ATP11B: variants seen among roughly 807,000 people sequenced by gnomAD.
ATP11B encodes ATPase phospholipid transporting 11B (putative).
ATP11B carries 81 observed loss-of-function variants against 157.8 expected under a neutral mutation model. The ratio of observed to expected loss-of-function variants is 0.51; its 90% CI spans 0.43 to 0.62. The LOEUF (loss-of-function observed/expected upper bound fraction) is 0.62, where lower values mean the gene tolerates loss of function less well. ATP11B is among the 20% of genes least tolerant of loss of function. ATP11B has a pLI of 0.00. For missense variants in ATP11B, 1,165 were observed against 1,402.2 expected, an observed-to-expected ratio of 0.83 and a Z score of 2.70; for synonymous variants, 451 against 469.4, an observed-to-expected ratio of 0.96 and a Z score of 0.51.
At chr3:182,837,219 G>T in intron 7 of ATP11B, 45 bp downstream of exon 7, 1 of 1,327,422 alleles carries the variant, frequency 7.5e-7, no homozygotes, top group South Asian at 1.3e-5. Flanking sequence ...CCTATTTACA[G>T]ACCTCATTTT....
intron 12 of ATP11B, among the ~76,000 whole-genome samples, chr3:182,861,926 A>T (rs1276936415): frequency 7.1e-6 from 1 of 141,468 alleles, no homozygotes; most frequent in East Asian, 2.0e-4. Flanking sequence ...CCTGGGCAAC[A>T]GAGTGAGACC....
chr3:182,881,866 C>T (rs1722450604), intron 21 of ATP11B, among the ~76,000 whole-genome samples: 1 of 152,168 alleles, frequency 6.6e-6, no homozygotes, highest in Admixed American at 6.5e-5. Context: ...ATTATAAAGA[C>T]AGGAAATTGT....
chr3:182,816,768 C>T (rs1052385122), intron 1 of ATP11B, among the ~76,000 whole-genome samples: 3 of 152,180 alleles, frequency 2.0e-5, no homozygotes, highest in African/African-American at 7.2e-5. Context: ...CAGAAAAATG[C>T]ACATATATGC....
chr3:182,802,493 T>A (rs777566412), intron 1 of ATP11B, among the ~76,000 whole-genome samples: 4 of 152,186 alleles, frequency 2.6e-5, no homozygotes, highest in Non-Finnish European at 4.4e-5. Flanking sequence ...TTATTCACAC[T>A]AGCCTTATTG....
chr3:182,801,076 A>C (rs1171243837), intron 1 of ATP11B, among the ~76,000 whole-genome samples: 1 of 152,214 alleles, frequency 6.6e-6, no homozygotes, highest in Non-Finnish European at 1.5e-5. Context: ...TGCTGGGATT[A>C]CAGGTGTGAC....
At chr3:182,856,718 A>G (rs1720435435) in intron 10 of ATP11B, among the ~76,000 whole-genome samples, 1 of 152,216 alleles carries the variant, frequency 6.6e-6, no homozygotes, top group Admixed American at 6.5e-5. Context: ...TTACTGTCAC[A>G]GCAGAATATA....
rs11398702 is a variant in ATP11B at position 182,819,079 on chromosome 3, C to CTT, written c.28-1167_28-1166dup. On this transcript the variant is annotated intron_variant, in intron 1 of 29. Coordinates refer to ENST00000323116, the MANE Select transcript of ATP11B (RefSeq NM_014616.3). ...TCTTTTTTTCTTTTTTCTAATATTT[C>CTT]TTTTTTTTTTTTTTTGAGACGGAGT... Among the ~76,000 whole-genome samples, 587 of 135,132 alleles carry CTT rather than the reference C, an allele frequency of 4.3e-3. 10 individuals carry two copies. The highest frequency in any genetic ancestry group is 0.011 in the Middle Eastern group (3 of 264). The allele number at this position is 135,132 out of a possible 152,430, so 88.7% of individuals were successfully genotyped here. A position where few individuals can be genotyped will look rare whatever the true frequency, so the allele number is the denominator to read the frequency against.
rs1195736927 is a variant in ATP11B, at chr3:182,793,584, C to T, written c.-176C>T. On this transcript the variant is annotated 5_prime_UTR_variant, in exon 1 of 30. Transcript: ENST00000323116. ...GCGCCGGGGCCGCGCCTGTAGGACT[C>T]GGGGCCGACGCCGCGGGATGGGGAC... The T allele has an allele frequency of 2.6e-6, 1 of 383,074 alleles. No individual in the cohort carries two copies. The highest frequency in any genetic ancestry group is 4.6e-6 in the Non-Finnish European group (1 of 217,822). 23.7% of individuals were successfully genotyped at this position (383,074 alleles called of 1,614,324 possible).
intron 23 of ATP11B, 101 bp from the exon 24 acceptor site, chr3:182,887,485 T>C: frequency 1.0e-6 from 1 of 989,068 alleles, no homozygotes; most frequent in Non-Finnish European, 1.4e-6. Flanking sequence ...CAGTATAAAT[T>C]TTTAAAACTT....
chr3:182,855,735 T>C (rs1382239835), intron 10 of ATP11B, among the ~76,000 whole-genome samples: 1 of 152,146 alleles, frequency 6.6e-6, no homozygotes, highest in Non-Finnish European at 1.5e-5. Flanking sequence ...TTTCACCACA[T>C]GCATAATACA....
chr3:182,871,745 T>C (rs538068116), intron 17 of ATP11B, among the ~76,000 whole-genome samples: 13 of 152,216 alleles, frequency 8.5e-5, no homozygotes, highest in Non-Finnish European at 1.5e-4. Flanking sequence ...TAAAAACCAC[T>C]AATAGGATAG....
chr3:182,883,954 C>CAAAAAAAAAAAAAAA (rs1170838231), intron 21 of ATP11B, among the ~76,000 whole-genome samples: 1 of 63,418 alleles, frequency 1.6e-5, no homozygotes, highest in South Asian at 6.7e-4. Context: ...GACTCCGTCT[C>CAAAAAAAAAAAAAAA]AAAAAAAAAA....
In ATP11B at chr3:182,918,018, T is replaced by C; in HGVS notation, c.3453-5T>C. On this transcript the variant is annotated splice_polypyrimidine_tract_variant and splice_region_variant and intron_variant, in intron 29 of 29. Coordinates refer to ENST00000323116, the MANE Select transcript of ATP11B (RefSeq NM_014616.3). ...AGCCAAACTTTTCTCTTATTGTTAC[T>C]TTAGATCATGGAGTGCATCGGATCC... 2 of 1,612,768 alleles carry C rather than the reference T, an allele frequency of 1.2e-6. No homozygotes were observed.
At position 182,836,329 on chromosome 3, in the gene ATP11B, A is replaced by G; in HGVS notation, c.424-13A>G. 6.2e-7 allele frequency: 1 copy of G among 1,612,814 alleles called. No individual in the cohort carries two copies. Among genetic ancestry groups the G allele is most frequent in the Non-Finnish European group, 8.5e-7 (1 of 1,179,530 alleles). On this transcript the variant is annotated splice_polypyrimidine_tract_variant and intron_variant, in intron 5 of 29. Transcript: ENST00000323116. ...AAATTTATAAATTCACTCTTCCCCAAAATTCTTTATAGGTGGGTGATATTG... is the reference window on the plus strand; with the variant it reads ...AAATTTATAAATTCACTCTTCCCCAGAATTCTTTATAGGTGGGTGATATTG...
At chr3:182,878,680 A>G (rs1433674541) in intron 19 of ATP11B, among the ~76,000 whole-genome samples, 1 of 152,192 alleles carries the variant, frequency 6.6e-6, no homozygotes, top group Non-Finnish European at 1.5e-5. Flanking sequence ...GGTGTTATCC[A>G]TGTTCTACCA....
chr3:182,814,011 C>A (rs1380513897), intron 1 of ATP11B, among the ~76,000 whole-genome samples: 1 of 152,112 alleles, frequency 6.6e-6, no homozygotes, highest in African/African-American at 2.4e-5. Flanking sequence ...CATGTGTGAG[C>A]CACCACGCCT....
At chr3:182,807,122 G>A (rs1716373422) in intron 1 of ATP11B, among the ~76,000 whole-genome samples, 1 of 152,140 alleles carries the variant, frequency 6.6e-6, no homozygotes. Context: ...AAAGCCAATA[G>A]CCAATTAGTG....
intron 7 of ATP11B, among the ~76,000 whole-genome samples, chr3:182,839,729 G>A (rs1718854912): frequency 6.6e-6 from 1 of 152,002 alleles, no homozygotes; most frequent in Admixed American, 6.5e-5. Flanking sequence ...TCCTGCCTTA[G>A]CCTCCCAAGT....
intron 2 of ATP11B, among the ~76,000 whole-genome samples, chr3:182,821,392 C>G (rs1348419861): frequency 6.6e-6 from 1 of 152,176 alleles, no homozygotes; most frequent in Admixed American, 6.5e-5. Context: ...CAGGTATGAG[C>G]CACTGCACCC....
Sources: allele counts gnomAD v4.1 joint callset (sites outside exome capture counted in the v4.1 genomes callset), GRCh38; gene constraint gnomAD v4.1.1; transcripts MANE v1.5; gene names NCBI Gene and HGNC (gene_info 2026-07-23, HGNC 2026-07-21).